The following APTX variants were observed in gnomAD, a reference collection of about 807,000 sequenced individuals.
The protein encoded by APTX is aprataxin.
Under a neutral mutation model 42.3 loss-of-function variants are expected in APTX, and 33 were observed. The observed-to-expected ratio is 0.78, with a 90% CI of 0.59 to 1.04. APTX has a LOEUF of 1.04. APTX is among the 50% of genes least tolerant of loss of function. The probability of loss-of-function intolerance (pLI) is 0.00; values close to 1 mark genes in which losing one functional copy is unlikely to be tolerated. For synonymous variants in APTX, 130 were observed against 146.7 expected (o/e 0.89, Z 0.82); for missense variants, 421 against 415.1 (o/e 1.01, Z -0.12).
chr9:32,977,697 G>A (rs920860349), intron 6 of APTX, among the ~76,000 whole-genome samples: 1 of 152,090 alleles, frequency 6.6e-6, no homozygotes, highest in African/African-American at 2.4e-5. Flanking sequence ...TGGGCGTGGT[G>A]GCGCATGCCT....
At chr9:33,021,837 A>G (rs1306161753) in intron 1 of APTX, among the ~76,000 whole-genome samples, 2 of 152,132 alleles carry the variant, frequency 1.3e-5, no homozygotes, top group Non-Finnish European at 2.9e-5. Context: ...TTAAAATGGA[A>G]CAATGATTCC....
intron 5 of APTX, among the ~76,000 whole-genome samples, chr9:32,985,235 C>T (rs147748565): frequency 6.6e-6 from 1 of 152,146 alleles, no homozygotes; most frequent in Middle Eastern, 3.4e-3. Flanking sequence ...GACACGTACA[C>T]GTGGGTTCCA....
chr9:32,981,222 C>T (rs1389085184), intron 6 of APTX, among the ~76,000 whole-genome samples: 1 of 152,106 alleles, frequency 6.6e-6, no homozygotes, highest in Non-Finnish European at 1.5e-5. Context: ...TTTATGGGTA[C>T]ACTAGGACTG....
chr9:32,998,490 A>G (rs1835491712), intron 1 of APTX, among the ~76,000 whole-genome samples: 1 of 152,224 alleles, frequency 6.6e-6, no homozygotes, highest in Non-Finnish European at 1.5e-5. Context: ...TCAATGATAG[A>G]CTGGATAAAG....
At chr9:33,001,786 G>C, upstream of APTX, 1 of 754,574 alleles carries the variant, frequency 1.3e-6, no homozygotes, top group Non-Finnish European at 2.2e-6. Context: ...GATCCTGGAA[G>C]TTATGCCTGT....
Position 32,987,561 on chromosome 9 carries a change from CT to C in APTX, c.465del (p.Asp156MetfsTer16). On this transcript the variant is annotated frameshift_variant, in exon 4 of 8. Transcript: ENST00000379817. LOFTEE classifies it high-confidence loss of function. ...GQCSVPLKKG[K>X]DAPIKKESLG... The stretch of plus-strand genomic sequence containing the variant: ...ACCCTCACCTTTTTGATAGGTGCAT[CT>C]TTTCCCTTCTTTAGGGGCACAGAGC... The C allele has an allele frequency of 6.2e-7, 1 of 1,613,964 alleles. No individual in the cohort carries two copies. Among genetic ancestry groups the C allele is most frequent in the Non-Finnish European group, 8.5e-7 (1 of 1,180,038 alleles).
intron 1 of APTX, among the ~76,000 whole-genome samples, chr9:33,018,027 A>G (rs1452937575): frequency 1.3e-5 from 2 of 148,942 alleles, no homozygotes; most frequent in Non-Finnish European, 3.0e-5. Context: ...ACAAGATACC[A>G]CTTTCACTCT....
At chr9:32,993,719 CT>C (rs1269512640) in intron 1 of APTX, among the ~76,000 whole-genome samples, 9,922 of 132,890 alleles carry the variant, frequency 0.075, 314 homozygotes, top group Non-Finnish European at 0.11. Context: ...ACCTCTATAT[CT>C]TTTTTTTTTT....
chr9:33,011,506 C>T (rs957630440), intron 1 of APTX, among the ~76,000 whole-genome samples: 8 of 152,060 alleles, frequency 5.3e-5, no homozygotes, highest in Admixed American at 1.3e-4. Flanking sequence ...AGGCTGGTCT[C>T]GAACTCCTGA....
chr9:33,016,380 G>C (rs957336442), intron 1 of APTX, among the ~76,000 whole-genome samples: 1 of 152,148 alleles, frequency 6.6e-6, no homozygotes, highest in Admixed American at 6.6e-5. Context: ...GCACACAGAA[G>C]ATCTCAAGAA....
chr9:33,008,835 C>T (rs187887461), intron 1 of APTX, among the ~76,000 whole-genome samples: 28 of 152,148 alleles, frequency 1.8e-4, no homozygotes, highest in Admixed American at 3.9e-4. Context: ...TACAGACGTG[C>T]GCCACCGCGT....
intron 4 of APTX, among the ~76,000 whole-genome samples, chr9:32,987,065 C>A (rs959087245): frequency 2.6e-5 from 4 of 152,188 alleles, no homozygotes; most frequent in African/African-American, 9.7e-5. Flanking sequence ...CTGCCCACCT[C>A]GGCCTCCCAA....
At chr9:32,982,758 G>A (rs1261894604) in intron 6 of APTX, among the ~76,000 whole-genome samples, 1 of 152,120 alleles carries the variant, frequency 6.6e-6, no homozygotes, top group Non-Finnish European at 1.5e-5. Context: ...ACGTGAAAAG[G>A]GCTCAGTGGC....
chr9:32,979,258 T>C (rs150407070), intron 6 of APTX, among the ~76,000 whole-genome samples: 2 of 152,276 alleles, frequency 1.3e-5, no homozygotes, highest in African/African-American at 4.8e-5. Flanking sequence ...GTGCTCCGTA[T>C]TTAGCTCCCA....
At chr9:33,014,617 A>C (rs1415746646) in intron 1 of APTX, among the ~76,000 whole-genome samples, 1 of 152,250 alleles carries the variant, frequency 6.6e-6, no homozygotes, top group Non-Finnish European at 1.5e-5. Context: ...GGGGGCCCTT[A>C]AACTGGGTCT....
intron 2 of APTX, among the ~76,000 whole-genome samples, chr9:32,988,515 C>CA (rs1411922062): frequency 6.6e-6 from 1 of 151,280 alleles, no homozygotes; most frequent in Non-Finnish European, 1.5e-5. Flanking sequence ...CCCGTCTCTA[C>CA]AAAAAAATAC....
intron 1 of APTX, among the ~76,000 whole-genome samples, chr9:33,023,054 C>A (rs1838519480): frequency 6.6e-6 from 1 of 152,272 alleles, no homozygotes. Flanking sequence ...GTCTCAAACT[C>A]CGGGACTCAA....
chr9:33,020,918 T>C (rs1028857171), intron 1 of APTX, among the ~76,000 whole-genome samples: 3 of 151,620 alleles, frequency 2.0e-5, no homozygotes, highest in East Asian at 1.9e-4. Flanking sequence ...TCACCTGAGG[T>C]TGGGAGTTCA....
At chr9:33,022,257 C>T (rs924522286) in intron 1 of APTX, among the ~76,000 whole-genome samples, 6 of 152,010 alleles carry the variant, frequency 3.9e-5, no homozygotes, top group African/African-American at 1.4e-4. Context: ...GGAATTACAC[C>T]ACAGAAAAAT....
Sources: allele counts gnomAD v4.1 joint callset (sites outside exome capture counted in the v4.1 genomes callset), GRCh38; gene constraint gnomAD v4.1.1; transcripts MANE v1.5; gene names NCBI Gene and HGNC (gene_info 2026-07-23, HGNC 2026-07-21).